Variants in MTUS1 observed in about 807,000 individuals in gnomAD.
MTUS1 encodes microtubule-associated tumor suppressor 1.
Under a neutral mutation model 120.8 loss-of-function variants are expected in MTUS1, and 109 were observed. The ratio of observed to expected loss-of-function variants is 0.90; its 90% confidence interval spans 0.77 to 1.06. MTUS1 has a LOEUF of 1.06. Ranked by LOEUF, MTUS1 falls within the 50% of genes least tolerant of loss-of-function variation. MTUS1 has a pLI of 0.00. For synonymous variants in MTUS1, 737 were observed against 550.5 expected, an observed-to-expected ratio of 1.34 and a Z score of -4.74; for missense variants, 2,210 against 1,486.3, an observed-to-expected ratio of 1.49 and a Z score of -8.01.
chr8:17,647,923 GT>G (rs1485992886), intron 13 of MTUS1, among the ~76,000 whole-genome samples: 2 of 152,196 alleles, frequency 1.3e-5, no homozygotes, highest in African/African-American at 4.8e-5. Flanking sequence ...ATGTTGCTTA[GT>G]TTGGAACCTG....
chr8:17,764,852 T>C lies in MTUS1; in HGVS notation c.-154-8891A>G, dbSNP rs182776909. On this transcript the variant is annotated intron_variant, in intron 1 of 14. Transcript: ENST00000693296. ...CCCCAACCTTTTTGGCACCAGGGAC[T>C]GGTTTCATGGGAGACAACTTTTCTG... is the stretch of plus-strand genomic sequence containing the variant. 3.9e-5 allele frequency among the ~76,000 whole-genome samples: 6 copies of C among 152,328 alleles called. No individual in the cohort carries two copies. In the East Asian group the frequency reaches 1.2e-3, roughly 29 times the overall value.
intron 8 of MTUS1, among the ~76,000 whole-genome samples, chr8:17,662,926 G>A (rs117276630): frequency 2.6e-5 from 4 of 151,928 alleles, no homozygotes; most frequent in Non-Finnish European, 5.9e-5. Context: ...GCAAACTCAT[G>A]TACAAAAACA....
At chr8:17,733,808 C>T (rs985640526) in intron 3 of MTUS1, among the ~76,000 whole-genome samples, 1 of 152,170 alleles carries the variant, frequency 6.6e-6, no homozygotes, top group African/African-American at 2.4e-5. Context: ...CATAACTCCT[C>T]TTCTCATTCT....
At chr8:17,799,228 T>C (rs59118463) in intron 1 of MTUS1, among the ~76,000 whole-genome samples, 5,974 of 152,208 alleles carry the variant, frequency 0.039, 388 homozygotes, top group African/African-American at 0.14. Flanking sequence ...AAAAACGTAT[T>C]TGTTGCAAAA....
intron 10 of MTUS1, chr8:17,653,700 T>C (rs1225218275): frequency 8.0e-6 from 4 of 497,054 alleles, no homozygotes; most frequent in African/African-American, 4.0e-5. Flanking sequence ...TCCCATTTTA[T>C]GACTGAGAGC....
intron 6 of MTUS1, among the ~76,000 whole-genome samples, chr8:17,689,967 G>T (rs1343706323): frequency 6.6e-6 from 1 of 152,070 alleles, no homozygotes; most frequent in Admixed American, 6.6e-5. Flanking sequence ...ATTGGCCGAC[G>T]CAAGGAATTC....
rs1175632059 is a variant in MTUS1 at position 17,653,495 on chromosome 8, A to T, written c.3218T>A (p.Ile1073Asn). The T allele has an allele frequency of 6.2e-7, 1 of 1,606,134 alleles. No individual in the cohort carries two copies. The highest frequency in any genetic ancestry group is 1.1e-5 in the South Asian group (1 of 89,738). The change falls in exon 11 of 15, where the codon ATT (isoleucine) becomes AAT (asparagine). Residue 1073 changes from isoleucine (I) to asparagine (N), a missense_variant. Ile to Asn is a moderately radical substitution (Grantham distance 149). Transcript: ENST00000693296. ...CTTTTCTATTTCATGGCCTTTCTTAATTTCTGGGAAAATAAACGGATATTT... is the reference window on the plus strand; with the variant it reads ...CTTTTCTATTTCATGGCCTTTCTTATTTTCTGGGAAAATAAACGGATATTT... ...KKAYEASLSEIKKGHEIEKKS... is the reference protein window; with the variant it reads ...KKAYEASLSENKKGHEIEKKS...
chr8:17,652,750 C>G (rs929074803), intron 12 of MTUS1, among the ~76,000 whole-genome samples: 1 of 151,488 alleles, frequency 6.6e-6, no homozygotes, highest in East Asian at 1.9e-4. Flanking sequence ...GCAGGAGACT[C>G]GCTTGAACCC....
At chr8:17,797,154 C>T (rs1433040832) in intron 1 of MTUS1, among the ~76,000 whole-genome samples, 1 of 152,050 alleles carries the variant, frequency 6.6e-6, no homozygotes, top group Non-Finnish European at 1.5e-5. Context: ...GCTCATGCCT[C>T]TAATCCTAGC....
intron 6 of MTUS1, among the ~76,000 whole-genome samples, chr8:17,711,740 T>A (rs1209401633): frequency 2.0e-5 from 3 of 152,230 alleles, no homozygotes; most frequent in African/African-American, 7.2e-5. Context: ...TGGCTTTCAA[T>A]GTGCCCTCCT....
chr8:17,703,050 A>G (rs58588205), intron 6 of MTUS1, among the ~76,000 whole-genome samples: 6,791 of 152,256 alleles, frequency 0.045, 295 homozygotes, highest in South Asian at 0.16. Flanking sequence ...TCTGATTGCA[A>G]AATGTTTATT....
chr8:17,755,905 C>T lies in MTUS1; in HGVS notation c.-98G>A. ...ATGGTCTGTCTTCTAGGTTTTTCAG[C>T]ACAGTTGAAAGGTTTTCAGTCTAAG... On this transcript the variant is annotated 5_prime_UTR_variant, in exon 2 of 15. Transcript: ENST00000693296. The T allele has an allele frequency of 6.7e-7, 1 of 1,489,696 alleles. No homozygotes were observed. The allele number at this position is 1,489,696 out of a possible 1,614,324, so 92.3% of individuals were successfully genotyped here.
rs375638551 is a variant in MTUS1 at position 17,754,654 on chromosome 8, T to C, written c.1154A>G (p.Asp385Gly). The change falls in exon 2 of 15, where the codon GAT becomes GGT. Residue 385 changes from aspartate to glycine, a missense_variant. Coordinates refer to ENST00000693296, the MANE Select transcript of MTUS1 (RefSeq NM_001363059.2). ...TGAGGTATGATTTTGGGTTCCCAAA[T>C]CCTTTCCTTTGGAGACCATTTGTGT... ...EDTQMVSKGK[D>G]LGTQNHTSEL... The C allele has an allele frequency of 1.2e-5, 20 of 1,614,132 alleles. No homozygotes were observed. Among genetic ancestry groups the C allele is most frequent in the Admixed American group, 3.3e-5 (2 of 60,014 alleles).
At chr8:17,667,242 C>T (rs2130526032) in intron 8 of MTUS1, among the ~76,000 whole-genome samples, 1 of 152,320 alleles carries the variant, frequency 6.6e-6, no homozygotes, top group South Asian at 2.1e-4. Flanking sequence ...GCTATCAACT[C>T]AGTCTTCAAA....
intron 1 of MTUS1, among the ~76,000 whole-genome samples, chr8:17,767,306 T>C (rs934171053): frequency 6.6e-6 from 1 of 151,664 alleles, no homozygotes; most frequent in Non-Finnish European, 1.5e-5. Flanking sequence ...TTGATGATGA[T>C]GATAAGGAAT....
At position 17,740,565 on chromosome 8, in the gene MTUS1, T is replaced by G. The variant is rs552789925; in HGVS notation, c.2287+3039A>C. Among the ~76,000 whole-genome samples, 4 of 152,370 alleles carry G rather than the reference T, an allele frequency of 2.6e-5. No homozygotes were observed. The East Asian group carries it at 7.7e-4, about 29-fold the overall frequency. On this transcript the variant is annotated intron_variant, in intron 3 of 14. Coordinates refer to ENST00000693296, the MANE Select transcript of MTUS1 (RefSeq NM_001363059.2). ...GTTCTACTTTTAACTCTGTGGCGAT[T>G]AAGAAACACCTCTCAATTTACTGAG...
At chr8:17,775,580 G>A (rs1283883025) in intron 1 of MTUS1, among the ~76,000 whole-genome samples, 1 of 152,212 alleles carries the variant, frequency 6.6e-6, no homozygotes, top group African/African-American at 2.4e-5. Flanking sequence ...CAAGTTCTTT[G>A]TTAAAATCTT....
intron 1 of MTUS1, chr8:17,800,575 T>C (rs998624877): frequency 1.3e-5 from 2 of 152,148 alleles, no homozygotes; most frequent in African/African-American, 4.8e-5. Flanking sequence ...CACTAAGCAC[T>C]ATAGAGTAGT....
chr8:17,659,880 T>TC (rs1208815822), intron 8 of MTUS1, among the ~76,000 whole-genome samples: 3 of 152,030 alleles, frequency 2.0e-5, no homozygotes, highest in Non-Finnish European at 4.4e-5. Context: ...TAACAACCCA[T>TC]CCCCTCCCCT....
Sources: allele counts gnomAD v4.1 joint callset (sites outside exome capture counted in the v4.1 genomes callset), GRCh38; gene constraint gnomAD v4.1.1; transcripts MANE v1.5; gene names NCBI Gene and HGNC (gene_info 2026-07-23, HGNC 2026-07-21).